ZBED4: variants seen among roughly 807,000 people sequenced by gnomAD.
ZBED4 encodes zinc finger BED-type containing 4.
In ZBED4, 4 loss-of-function variants were observed where a neutral mutation model predicts 15.5. The ratio of observed to expected loss-of-function variants is 0.26; its 90% CI spans 0.13 to 0.59. The LOEUF is 0.59. Among genes scored for constraint, ZBED4 ranks in the 20% least tolerant of loss-of-function variants. The probability of loss-of-function intolerance (pLI) is 0.90; values close to 1 mark genes in which losing one functional copy is unlikely to be tolerated. For missense variants in ZBED4, 1,323 were observed against 1,461.8 expected (o/e 0.91, Z 1.55); for synonymous variants, 692 against 608.5 (o/e 1.14, Z -2.02).
In ZBED4 at chr22:49,886,216, C is replaced by T; in HGVS notation, c.2554C>T (p.Leu852Phe). The T allele has an allele frequency of 1.2e-6, 1 of 841,160 alleles. No individual in the cohort carries two copies. Among genetic ancestry groups the T allele is most frequent in the Admixed American group, 2.1e-5 (1 of 46,746 alleles). The allele number at this position is 841,160 out of a possible 1,614,324, so 52.1% of individuals were successfully genotyped here. ...GCGGATGGTGCAGAACCTGCTGAGC[C>T]TCGCCCGGAAGATCTGCGAGCGGGT... ...SQRMVQNLLS[L>F]ARKICERVHR... The change falls in exon 2 of 2, where the codon CTC becomes TTC. Residue 852 changes from leucine to phenylalanine, a missense_variant. Physicochemically the swap from Leu to Phe is conservative, Grantham distance 22. Around this residue, in one of 6 missense-constraint regions of ZBED4, gnomAD observed 100 missense variants for 79.3 expected, o/e 1.26. Coordinates refer to ENST00000216268, the MANE Select transcript of ZBED4 (RefSeq NM_014838.3). This position sits in a 1 kb window ranked among gnomAD's most constrained non-coding sequence, Gnocchi z 7.7.
At chr22:49,877,859 T>C (rs1196433390) in intron 1 of ZBED4, among the ~76,000 whole-genome samples, 1 of 152,206 alleles carries the variant, frequency 6.6e-6, no homozygotes, top group Admixed American at 6.5e-5. Flanking sequence ...CCTCCCGCAC[T>C]CTGCAGGATT....
chr22:49,860,481 A>T (rs535289149), intron 1 of ZBED4, among the ~76,000 whole-genome samples: 2 of 152,332 alleles, frequency 1.3e-5, no homozygotes, highest in South Asian at 2.1e-4. Context: ...TGCTTAGTTA[A>T]CTTTGCAGGT....
chr22:49,869,121 CAAAAAAAAA>C (rs113863967), intron 1 of ZBED4, among the ~76,000 whole-genome samples: 1 of 93,406 alleles, frequency 1.1e-5, no homozygotes, highest in African/African-American at 3.3e-5. Flanking sequence ...AAAACTGTCT[CAAAAAAAAA>C]AAAAAAAGAA....
intron 1 of ZBED4, among the ~76,000 whole-genome samples, chr22:49,857,419 A>C (rs372831355): frequency 6.6e-6 from 1 of 152,332 alleles, no homozygotes; most frequent in East Asian, 1.9e-4. Context: ...CATTTCAGGG[A>C]TGGAACACGG....
chr22:49,889,051 G>A lies in ZBED4; in HGVS notation c.*1873G>A, dbSNP rs965126984. Reference sequence around the variant, plus strand: ...TTCATGGATTTTCTCTCCAAAACAAGCCAGCACAACTAACTGTAGCAGAAT... The same window carrying A: ...TTCATGGATTTTCTCTCCAAAACAAACCAGCACAACTAACTGTAGCAGAAT... On this transcript the variant is annotated 3_prime_UTR_variant, in exon 2 of 2. Transcript: ENST00000216268. 6.0e-6 allele frequency: 1 copy of A among 167,200 alleles called. No homozygotes were observed. The highest frequency in any genetic ancestry group is 1.5e-5 in the Non-Finnish European group (1 of 68,116). 10.4% of individuals were successfully genotyped at this position (167,200 alleles called of 1,614,324 possible). A position where few individuals can be genotyped will look rare whatever the true frequency, so the allele number is the denominator to read the frequency against.
At position 49,884,949 on chromosome 22, in the gene ZBED4, G is replaced by A; in HGVS notation, c.1287G>A (p.Glu429=). The A allele has an allele frequency of 1.2e-6, 2 of 1,610,880 alleles. No homozygotes were observed. Residue 429 remains glutamate, a synonymous_variant, in exon 2 of 2, where the codon GAG becomes GAA. Transcript: ENST00000216268. Reference sequence around the variant, plus strand: ...GGGAGGCCTCGGCGTCCTCTCCTGAGAAGCAGCAGGCTGATGGGCTGAGTC... The same window carrying A: ...GGGAGGCCTCGGCGTCCTCTCCTGAAAAGCAGCAGGCTGATGGGCTGAGTC... ...DIGEASASSP[E]KQQADGLSPR...
upstream of ZBED4, among the ~76,000 whole-genome samples, chr22:49,853,544 G>A (rs912393275): frequency 4.1e-4 from 62 of 152,192 alleles, 1 homozygote; most frequent in Non-Finnish European, 1.0e-4. Context: ...CAAGGCGCCC[G>A]CGCCCCGCCC....
chr22:49,855,566 GCTT>G (rs1413103581), intron 1 of ZBED4, among the ~76,000 whole-genome samples: 3 of 152,336 alleles, frequency 2.0e-5, no homozygotes, highest in South Asian at 2.1e-4. Context: ...CTGAGAAGCA[GCTT>G]CTTTAGCGAA....
At chr22:49,859,646 G>A (rs949693504) in intron 1 of ZBED4, among the ~76,000 whole-genome samples, 2 of 152,114 alleles carry the variant, frequency 1.3e-5, no homozygotes, top group East Asian at 1.9e-4. Context: ...CCCTGTTCGC[G>A]GACACAGCTA....
intron 1 of ZBED4, among the ~76,000 whole-genome samples, chr22:49,866,506 A>T (rs1018563100): frequency 6.6e-6 from 1 of 151,448 alleles, no homozygotes; most frequent in Admixed American, 6.6e-5. Context: ...TTTTACTTTT[A>T]TTTTTAGTGT....
Position 49,884,647 on chromosome 22 carries a change from A to G in ZBED4, c.985A>G (p.Arg329Gly). ...GKDLGTSCLI[R>G]HMWRAHRAIV... ...GGACCTGGGCACGAGCTGCCTCATC[A>G]GGCACATGTGGAGGGCACACCGCGC... The change falls in exon 2 of 2, where the codon AGG becomes GGG. Residue 329 changes from arginine (R) to glycine (G), a missense_variant. Transcript: ENST00000216268. 1 of 1,612,602 alleles carries G rather than the reference A, an allele frequency of 6.2e-7. No homozygotes were observed. Among genetic ancestry groups the G allele is most frequent in the Non-Finnish European group, 8.5e-7 (1 of 1,179,220 alleles).
chr22:49,884,152 GCA>G lies in ZBED4; in HGVS notation c.494_495del (p.His165ProfsTer33). ...TSCLMRHVRR[A>X]HPTVLIQENG... Reference sequence around the variant, plus strand: ...TTGTCTCATGAGGCACGTGAGGCGCGCACACCCGACCGTGCTCATTCAGGAAA... The same window carrying G: ...TTGTCTCATGAGGCACGTGAGGCGCGCACCCGACCGTGCTCATTCAGGAAA... On this transcript the variant is annotated frameshift_variant, in exon 2 of 2. Coordinates refer to ENST00000216268, the MANE Select transcript of ZBED4 (RefSeq NM_014838.3). LOFTEE classifies it low-confidence loss of function (END_TRUNC). 6.2e-7 allele frequency: 1 copy of G among 1,613,522 alleles called. No homozygotes were observed. The highest frequency in any genetic ancestry group is 8.5e-7 in the Non-Finnish European group (1 of 1,179,826).
rs1034984951 is a variant in ZBED4 at position 49,875,226 on chromosome 22, AT to A, written c.-329-8098del. 7.0e-5 allele frequency among the ~76,000 whole-genome samples: 10 copies of A among 141,928 alleles called. No individual in the cohort carries two copies. In the East Asian group the frequency reaches 1.3e-3, roughly 18 times the overall value. 93.1% of individuals were successfully genotyped at this position (141,928 alleles called of 152,430 possible). On this transcript the variant is annotated intron_variant, in intron 1 of 1. Coordinates refer to ENST00000216268, the MANE Select transcript of ZBED4 (RefSeq NM_014838.3). ...TCCTTTATTTTCTGGAAGAATTTGT[AT>A]TTTTTTTTTCTTTAATGTTTGGTAG... is the stretch of plus-strand genomic sequence containing the variant.
rs1347884583 is a variant in ZBED4 at position 49,889,824 on chromosome 22, G to A, written c.*2646G>A. The A allele has an allele frequency of 1.2e-5, 2 of 167,066 alleles. No individual in the cohort carries two copies. The highest frequency in any genetic ancestry group is 4.8e-5 in the African/African-American group (2 of 41,430). The allele number at this position is 167,066 out of a possible 1,614,324, so 10.3% of individuals were successfully genotyped here. A position where few individuals can be genotyped will look rare whatever the true frequency, so the allele number is the denominator to read the frequency against. Reference sequence around the variant, plus strand: ...CAACTAGAAAATATGTTGATTCTTAGCCATTCCCACCTTGCCTCTCCGTTC... The same window carrying A: ...CAACTAGAAAATATGTTGATTCTTAACCATTCCCACCTTGCCTCTCCGTTC... On this transcript the variant is annotated 3_prime_UTR_variant, in exon 2 of 2. Coordinates refer to ENST00000216268, the MANE Select transcript of ZBED4 (RefSeq NM_014838.3).
At chr22:49,881,208 G>C (rs929025175) in intron 1 of ZBED4, among the ~76,000 whole-genome samples, 2 of 152,228 alleles carry the variant, frequency 1.3e-5, no homozygotes, top group African/African-American at 4.8e-5. Flanking sequence ...AATTAGCCGG[G>C]TGTCATGGCA....
At chr22:49,865,897 G>GC (rs148122764) in intron 1 of ZBED4, among the ~76,000 whole-genome samples, 2,699 of 148,222 alleles carry the variant, frequency 0.018, 71 homozygotes, top group African/African-American at 0.066. Flanking sequence ...TTTTTGTAGA[G>GC]CTGGGGGTCT....
intron 1 of ZBED4, among the ~76,000 whole-genome samples, chr22:49,874,234 C>G (rs191961873): frequency 6.6e-6 from 1 of 152,314 alleles, no homozygotes; most frequent in Non-Finnish European, 1.5e-5. Flanking sequence ...GCACTGTTTC[C>G]CGGATGCGTC....
intron 1 of ZBED4, among the ~76,000 whole-genome samples, chr22:49,871,684 G>A (rs942022596): frequency 6.6e-6 from 1 of 151,846 alleles, no homozygotes; most frequent in African/African-American, 2.4e-5. Flanking sequence ...ACCAATCAGA[G>A]TGCAGATTGC....
At chr22:49,862,695 T>C (rs1318954042) in intron 1 of ZBED4, among the ~76,000 whole-genome samples, 5 of 27,462 alleles carry the variant, frequency 1.8e-4, no homozygotes, top group East Asian at 6.8e-3. Flanking sequence ...AGTTTTTCCT[T>C]TTTTTTTTTT....
Sources: gnomAD v4.1 joint callset for allele counts (sites outside exome capture counted in the v4.1 genomes callset) on GRCh38, gnomAD v4.1.1 for gene constraint, gnomAD v4.1.1 regional missense constraint, Gnocchi (gnomAD v3.1) non-coding constraint, MANE v1.5 for transcripts, NCBI Gene and HGNC (gene_info 2026-07-23, HGNC 2026-07-21) for gene names.